The following GABRG3 variants were observed in gnomAD, a reference collection of about 807,000 sequenced individuals.
GABRG3 encodes gamma-aminobutyric acid type A receptor subunit gamma3.
A neutral mutation model predicts 48.8 loss-of-function variants in GABRG3; 25 were observed. That is an observed-to-expected ratio of 0.51 (90% CI 0.37 to 0.72). The LOEUF is 0.72. Among genes scored for constraint, GABRG3 ranks in the 30% least tolerant of loss-of-function variants. The pLI is 0.00. For missense variants in GABRG3, 394 were observed against 577.9 expected, an observed-to-expected ratio of 0.68 and a Z score of 3.26; for synonymous variants, 227 against 217.6, an observed-to-expected ratio of 1.04 and a Z score of -0.38.
At chr15:27,130,139 C>T (rs1373570607) in intron 3 of GABRG3, among the ~76,000 whole-genome samples, 2 of 152,062 alleles carry the variant, frequency 1.3e-5, no homozygotes, top group Non-Finnish European at 2.9e-5. Context: ...AATTTAATGA[C>T]ATGAAGCTTT....
At position 27,387,803 on chromosome 15, in the gene GABRG3, AGGAGGGAG is replaced by A. The variant is rs369144529; in HGVS notation, c.574+58932_574+58939del. ...GTGCACTCTGCAGTGCTGAGAAAGA[AGGAGGGAG>A]GGAGGGAGGGAGGGAGAGAGGGAGA... On this transcript the variant is annotated intron_variant, in intron 5 of 9. Transcript: ENST00000615808. Among the ~76,000 whole-genome samples, 6 of 88,368 alleles carry A rather than the reference AGGAGGGAG, an allele frequency of 6.8e-5. 1 individual carries two copies. Among genetic ancestry groups the A allele is most frequent in the South Asian group, 3.9e-4 (1 of 2,546 alleles). The allele number at this position is 88,368 out of a possible 152,430, so 58.0% of individuals were successfully genotyped here.
At chr15:27,372,404 GT>G (rs1895444044) in intron 5 of GABRG3, among the ~76,000 whole-genome samples, 1 of 151,900 alleles carries the variant, frequency 6.6e-6, no homozygotes, top group African/African-American at 2.4e-5. Context: ...TATTTATTTA[GT>G]TTTTAGAAAC....
At chr15:27,455,727 TTG>T (rs1301819281) in intron 5 of GABRG3, among the ~76,000 whole-genome samples, 8 of 150,882 alleles carry the variant, frequency 5.3e-5, no homozygotes, top group Non-Finnish European at 1.0e-4. Flanking sequence ...TATGTGTGGT[TTG>T]TGAGTTTGTG....
chr15:27,123,858 T>A (rs1326292827), intron 3 of GABRG3, among the ~76,000 whole-genome samples: 2 of 152,102 alleles, frequency 1.3e-5, no homozygotes, highest in Non-Finnish European at 2.9e-5. Flanking sequence ...GAGGCCACTG[T>A]GGAGGCACAG....
intron 2 of GABRG3, among the ~76,000 whole-genome samples, chr15:27,023,287 G>C (rs1895929633): frequency 6.6e-6 from 1 of 152,024 alleles, no homozygotes; most frequent in Non-Finnish European, 1.5e-5. Context: ...TGGCTACATA[G>C]GGCTTATTAT....
chr15:26,996,287 A>T (rs1412826158), intron 2 of GABRG3, among the ~76,000 whole-genome samples: 44 of 152,062 alleles, frequency 2.9e-4, no homozygotes. Flanking sequence ...GTTTCTTGTA[A>T]TGCAGGTGCA....
chr15:27,528,348 C>G (rs756025076), intron 9 of GABRG3, among the ~76,000 whole-genome samples: 2 of 152,088 alleles, frequency 1.3e-5, no homozygotes, highest in Non-Finnish European at 2.9e-5. Flanking sequence ...CTTATATGTA[C>G]TTAAGTTTTG....
intron 3 of GABRG3, among the ~76,000 whole-genome samples, chr15:27,126,075 A>G (rs1156529387): frequency 6.6e-6 from 1 of 152,240 alleles, no homozygotes; most frequent in Non-Finnish European, 1.5e-5. Flanking sequence ...CTTAGCCTAA[A>G]TCCACGGGGA....
intron 5 of GABRG3, among the ~76,000 whole-genome samples, chr15:27,464,869 A>T (rs1332921208): frequency 6.6e-6 from 1 of 152,164 alleles, no homozygotes; most frequent in African/African-American, 2.4e-5. Flanking sequence ...ATCTTATCAG[A>T]TACATGATTT....
At chr15:27,074,586 C>T (rs1277730377) in intron 3 of GABRG3, among the ~76,000 whole-genome samples, 4 of 151,992 alleles carry the variant, frequency 2.6e-5, no homozygotes, top group African/African-American at 9.6e-5. Flanking sequence ...AATTTCAGCC[C>T]ATCCTGGAAC....
At chr15:27,267,262 A>G (rs1383435165) in intron 3 of GABRG3, among the ~76,000 whole-genome samples, 1 of 151,150 alleles carries the variant, frequency 6.6e-6, no homozygotes, top group Non-Finnish European at 1.5e-5. Context: ...ATGCCCCACC[A>G]TGCCTGGCTA....
Position 27,208,325 on chromosome 15 carries a change from G to A in GABRG3, c.271-118484G>A, listed in dbSNP as rs375746420. On this transcript the variant is annotated intron_variant, in intron 3 of 9. Coordinates refer to ENST00000615808, the MANE Select transcript of GABRG3 (RefSeq NM_033223.5). Reference sequence around the variant, plus strand: ...CAAGGCCTGGTCAGTGAAGTCTGTAGCCCTTTCAAAGTAGGTGCTGAGGTT... The same window carrying A: ...CAAGGCCTGGTCAGTGAAGTCTGTAACCCTTTCAAAGTAGGTGCTGAGGTT... 8 of 222,128 alleles carry A rather than the reference G, an allele frequency of 3.6e-5. No individual in the cohort carries two copies. In the East Asian group the frequency reaches 9.0e-4, roughly 25 times the overall value. The allele number at this position is 222,128 out of a possible 1,614,324, so 13.8% of individuals were successfully genotyped here.
At chr15:27,343,194 G>A (rs1028491399) in intron 5 of GABRG3, among the ~76,000 whole-genome samples, 7 of 152,148 alleles carry the variant, frequency 4.6e-5, no homozygotes, top group Non-Finnish European at 8.8e-5. Flanking sequence ...GGGACTGGGA[G>A]CCAGCACCTC....
chr15:27,384,744 G>A (rs1220365876), intron 5 of GABRG3, among the ~76,000 whole-genome samples: 1 of 152,068 alleles, frequency 6.6e-6, no homozygotes, highest in Non-Finnish European at 1.5e-5. Context: ...TAATAGAAAT[G>A]GCACTAAAAT....
In GABRG3 at chr15:27,099,712, T is replaced by TA. The variant is rs36017290; in HGVS notation, c.270+72901dup. ...AGTAATATACTAAAAACATTATGAATAAAAAAAAAATCCCATAAAATGTTC... is the reference window on the plus strand; with the variant it reads ...AGTAATATACTAAAAACATTATGAATAAAAAAAAAAATCCCATAAAATGTTC... On this transcript the variant is annotated intron_variant, in intron 3 of 9. Transcript: ENST00000615808. Among the ~76,000 whole-genome samples the TA allele has an allele frequency of 3.9e-3, 582 of 148,600 alleles. 3 individuals carry two copies. Among genetic ancestry groups the TA allele is most frequent in the Admixed American group, 8.7e-3 (130 of 14,864 alleles).
chr15:27,005,794 G>C (rs1432564190), intron 2 of GABRG3, among the ~76,000 whole-genome samples: 3 of 152,172 alleles, frequency 2.0e-5, no homozygotes, highest in Non-Finnish European at 2.9e-5. Flanking sequence ...GTCTGACCTA[G>C]ATCAAGTAGA....
chr15:26,972,442 TTC>T (rs1311404045), intron 1 of GABRG3, among the ~76,000 whole-genome samples: 4 of 152,156 alleles, frequency 2.6e-5, no homozygotes, highest in African/African-American at 4.8e-5. Context: ...GTTTCTTTAA[TTC>T]TGTCTCTCTG....
In GABRG3 at chr15:27,457,131, G is replaced by C. The variant is rs1889307574; in HGVS notation, c.575-23519G>C. 6.6e-6 allele frequency among the ~76,000 whole-genome samples: 1 copy of C among 152,260 alleles called. No individual in the cohort carries two copies. Among genetic ancestry groups the C allele is most frequent in the Non-Finnish European group, 1.5e-5 (1 of 68,018 alleles). ...ACCAACACGGTGGGTGTGAGTGGAG[G>C]GTGGGGAGTTGTAGCATTCATTAGA... On this transcript the variant is annotated intron_variant, in intron 5 of 9. Transcript: ENST00000615808. The surrounding 1 kb of genome is among the most constrained non-coding windows in gnomAD (Gnocchi z 4.4).
chr15:26,973,322 A>G (rs1171569622), intron 1 of GABRG3, among the ~76,000 whole-genome samples: 1 of 152,204 alleles, frequency 6.6e-6, no homozygotes, highest in East Asian at 1.9e-4. Flanking sequence ...GACAGACATA[A>G]TGATTTTCAT....
Sources: gnomAD v4.1 joint callset for allele counts (sites outside exome capture counted in the v4.1 genomes callset) on GRCh38, gnomAD v4.1.1 for gene constraint, Gnocchi (gnomAD v3.1) non-coding constraint, MANE v1.5 for transcripts, NCBI Gene and HGNC (gene_info 2026-07-23, HGNC 2026-07-21) for gene names.